CNTNAP3B: variants seen among roughly 807,000 people sequenced by gnomAD.
CNTNAP3B encodes the protein contactin-associated protein-like 3B.
A neutral mutation model predicts 108.9 loss-of-function variants in CNTNAP3B; 25 were observed. The observed-to-expected ratio is 0.23, with a 90% CI of 0.17 to 0.32. The LOEUF (loss-of-function observed/expected upper bound fraction) is 0.32, where lower values mean the gene tolerates loss of function less well. Ranked by LOEUF, CNTNAP3B falls within the 10% of genes least tolerant of loss-of-function variation. The probability of loss-of-function intolerance (pLI) is 1.00; values close to 1 mark genes in which losing one functional copy is unlikely to be tolerated. For synonymous variants in CNTNAP3B, 103 were observed against 473.4 expected (o/e 0.22, Z 10.16); for missense variants, 252 against 1,210.4 (o/e 0.21, Z 11.75).
At chr9:42,118,080 C>A (rs1284651740) in intron 1 of CNTNAP3B, among the ~76,000 whole-genome samples, 1 of 135,340 alleles carries the variant, frequency 7.4e-6, no homozygotes, top group African/African-American at 3.0e-5. Flanking sequence ...GATTCACAGC[C>A]CAATTCTACC....
chr9:41,938,837 T>C (rs1824239250), intron 13 of CNTNAP3B, among the ~76,000 whole-genome samples: 1 of 152,304 alleles, frequency 6.6e-6, no homozygotes, highest in African/African-American at 2.4e-5. Context: ...ACTACCTGTA[T>C]ATTACACATT....
At chr9:41,894,326 C>T (rs1330008804) in intron 23 of CNTNAP3B, among the ~76,000 whole-genome samples, 3 of 107,960 alleles carry the variant, frequency 2.8e-5, no homozygotes, top group African/African-American at 1.4e-4. Context: ...TGGGGTGTTG[C>T]TATGTTGCCC....
In CNTNAP3B at chr9:42,124,333, C is replaced by A. The variant is rs996202099; in HGVS notation, c.85+4677G>T. 2.2e-5 allele frequency among the ~76,000 whole-genome samples: 3 copies of A among 134,308 alleles called. 1 individual carries two copies. Among genetic ancestry groups the A allele is most frequent in the African/African-American group, 9.0e-5 (3 of 33,228 alleles). 88.1% of individuals were successfully genotyped at this position (134,308 alleles called of 152,430 possible). A position where few individuals can be genotyped will look rare whatever the true frequency, so the allele number is the denominator to read the frequency against. On this transcript the variant is annotated intron_variant, in intron 1 of 23. Coordinates refer to ENST00000377561, the MANE Select transcript of CNTNAP3B (RefSeq NM_001201380.3). ...TTTTAACCAAGCTAAGCATATACTC[C>A]ATTTTTTAGAAAACTAGATTTACTG...
intron 2 of CNTNAP3B, among the ~76,000 whole-genome samples, chr9:42,098,958 C>T (rs1336542061): frequency 1.5e-5 from 2 of 135,824 alleles, no homozygotes; most frequent in Admixed American, 7.4e-5. Flanking sequence ...TGCCCACATC[C>T]GAAGGGCTGG....
At chr9:41,929,613 G>T (rs561889942) in intron 14 of CNTNAP3B, among the ~76,000 whole-genome samples, 169 bp from the exon 15 acceptor site, 1 of 139,052 alleles carries the variant, frequency 7.2e-6, no homozygotes, top group East Asian at 2.0e-4. Context: ...AATCAGGGAT[G>T]GGCAAACATT....
intron 14 of CNTNAP3B, among the ~76,000 whole-genome samples, chr9:41,930,677 A>G (rs1391693359): frequency 1.3e-5 from 2 of 151,818 alleles, no homozygotes; most frequent in Admixed American, 6.6e-5. Flanking sequence ...CACACAGCCT[A>G]TTGAATACCA....
intron 15 of CNTNAP3B, among the ~76,000 whole-genome samples, chr9:41,925,637 T>A (rs1351166446): frequency 1.3e-5 from 2 of 152,298 alleles, no homozygotes; most frequent in Admixed American, 6.5e-5. Flanking sequence ...TTTCTCTTGA[T>A]CTTTTACTAA....
chr9:41,944,745 C>A (rs1401343717), intron 13 of CNTNAP3B, among the ~76,000 whole-genome samples: 1 of 152,238 alleles, frequency 6.6e-6, no homozygotes, highest in East Asian at 1.9e-4. Flanking sequence ...AAAGCAATGG[C>A]AACAAAAGCC....
intron 15 of CNTNAP3B, among the ~76,000 whole-genome samples, chr9:41,925,712 T>C (rs1014747505): frequency 6.6e-6 from 1 of 152,304 alleles, no homozygotes; most frequent in Non-Finnish European, 1.5e-5. Flanking sequence ...TATTCAATGG[T>C]TTATACTCTA....
Position 42,111,015 on chromosome 9 carries a change from T to C in CNTNAP3B, c.86-6276A>G, listed in dbSNP as rs536109920. 8.0e-4 allele frequency among the ~76,000 whole-genome samples: 111 copies of C among 139,200 alleles called. 23 individuals are homozygous for C. The highest frequency in any genetic ancestry group is 3.1e-3 in the African/African-American group (110 of 35,132). The allele number at this position is 139,200 out of a possible 152,430, so 91.3% of individuals were successfully genotyped here. On this transcript the variant is annotated intron_variant, in intron 1 of 23. Coordinates refer to ENST00000377561, the MANE Select transcript of CNTNAP3B (RefSeq NM_001201380.3). ...CATGGTCTTGATCTCCATTCGATTA[T>C]CTTCAGTCACTGTCTTCCCTACATC... is the stretch of plus-strand genomic sequence containing the variant.
intron 2 of CNTNAP3B, among the ~76,000 whole-genome samples, chr9:42,086,135 C>T (rs1179412305): frequency 4.3e-5 from 6 of 140,930 alleles, no homozygotes; most frequent in South Asian, 2.2e-4. Flanking sequence ...GCATATTTTA[C>T]GTGGCAGCAA....
At chr9:41,930,848 G>A (rs1823956865) in intron 14 of CNTNAP3B, among the ~76,000 whole-genome samples, 2 of 152,306 alleles carry the variant, frequency 1.3e-5, no homozygotes, top group Admixed American at 1.3e-4. Context: ...TGCTGCAAAA[G>A]TATTTTATTA....
At chr9:41,939,753 C>T (rs1017380358) in intron 13 of CNTNAP3B, among the ~76,000 whole-genome samples, 3 of 152,258 alleles carry the variant, frequency 2.0e-5, no homozygotes, top group African/African-American at 7.2e-5. Flanking sequence ...CCCATATTCC[C>T]CATAAAGTAG....
intron 1 of CNTNAP3B, among the ~76,000 whole-genome samples, chr9:42,114,970 C>G (rs996993595): frequency 7.3e-6 from 1 of 136,538 alleles, no homozygotes; most frequent in Non-Finnish European, 1.6e-5. Context: ...AGGAGAATCA[C>G]TGGAACCCGG....
chr9:41,941,796 G>T (rs1182148404), intron 13 of CNTNAP3B, among the ~76,000 whole-genome samples: 2 of 150,656 alleles, frequency 1.3e-5, no homozygotes, highest in African/African-American at 4.9e-5. Context: ...GCAAGGACAA[G>T]CTACAGAGAT....
chr9:42,043,110 C>G (rs1229377845), intron 3 of CNTNAP3B, among the ~76,000 whole-genome samples: 1 of 141,170 alleles, frequency 7.1e-6, no homozygotes, highest in Admixed American at 7.0e-5. Context: ...CAACTTCACC[C>G]AAATTTGTCT....
chr9:42,038,454 A>AT (rs1172003078), intron 3 of CNTNAP3B, among the ~76,000 whole-genome samples: 1 of 93,630 alleles, frequency 1.1e-5, no homozygotes, highest in Non-Finnish European at 2.3e-5. Flanking sequence ...GCAATGGAAA[A>AT]TAAAAAAAAA....
intron 15 of CNTNAP3B, among the ~76,000 whole-genome samples, chr9:41,924,827 G>A (rs1023966062): frequency 1.3e-5 from 2 of 152,284 alleles, no homozygotes; most frequent in African/African-American, 4.8e-5. Flanking sequence ...TTCTGGTACA[G>A]TGTGTGAGTC....
intron 14 of CNTNAP3B, among the ~76,000 whole-genome samples, chr9:41,930,965 T>G (rs1486684379): frequency 1.3e-5 from 2 of 152,402 alleles, no homozygotes; most frequent in Non-Finnish European, 2.9e-5. Flanking sequence ...TATATTTTAT[T>G]ACATATATGT....
Sources: gnomAD v4.1 joint callset for allele counts (sites outside exome capture counted in the v4.1 genomes callset) on GRCh38, gnomAD v4.1.1 for gene constraint, MANE v1.5 for transcripts, NCBI Gene and HGNC (gene_info 2026-07-23, HGNC 2026-07-21) for gene names.